The following RPS6KA6 variants were observed in gnomAD, a reference collection of about 807,000 sequenced individuals.
RPS6KA6 encodes ribosomal protein S6 kinase alpha-6.
A neutral mutation model predicts 65.4 loss-of-function variants in RPS6KA6; 27 were observed. That is an observed-to-expected ratio of 0.41 (90% confidence interval 0.30 to 0.57). The LOEUF (loss-of-function observed/expected upper bound fraction) is 0.57. Ranked by LOEUF, RPS6KA6 falls within the 20% of genes least tolerant of loss-of-function variation. The probability of loss-of-function intolerance (pLI) is 0.24; values close to 1 mark genes in which losing one functional copy is unlikely to be tolerated. For synonymous variants in RPS6KA6, 190 were observed against 184.2 expected, an observed-to-expected ratio of 1.03 and a Z score of -0.26; for missense variants, 486 against 555.6, an observed-to-expected ratio of 0.87 and a Z score of 1.26.
At chrX:84,131,876 T>C (rs182631211) in intron 8 of RPS6KA6, among the ~76,000 whole-genome samples, 23 of 111,915 alleles carry the variant, frequency 2.1e-4, no homozygotes, top group Admixed American at 1.8e-3. Flanking sequence ...GTAATCTAAA[T>C]GACTCTTTTC....
intron 20 of RPS6KA6, among the ~76,000 whole-genome samples, chrX:84,073,724 A>G (rs765537443): frequency 5.0e-4 from 54 of 108,306 alleles, no homozygotes; most frequent in African/African-American, 1.8e-3. Context: ...AAAAATCTAA[A>G]TAGACTTTTT....
In RPS6KA6 at chrX:84,060,596, T is replaced by C. The variant is rs182966967; in HGVS notation, c.*3681A>G. The C allele has an allele frequency of 1.8e-3, 205 of 110,950 alleles. No individual in the cohort carries two copies. Among genetic ancestry groups the C allele is most frequent in the African/African-American group, 6.5e-3 (198 of 30,608 alleles). The allele number at this position is 110,950 out of a possible 1,213,427, so 9.1% of individuals were successfully genotyped here. ...AAATAATCGCCAATCTCTGTCTACC[T>C]CCACATCATTTTGTCATAGAAGTTC... is the stretch of plus-strand genomic sequence containing the variant. On this transcript the variant is annotated 3_prime_UTR_variant, in exon 22 of 22. Coordinates refer to ENST00000262752, the MANE Select transcript of RPS6KA6 (RefSeq NM_014496.5).
intron 20 of RPS6KA6, among the ~76,000 whole-genome samples, chrX:84,079,283 C>T (rs748471691): frequency 9.0e-6 from 1 of 111,129 alleles, no homozygotes; most frequent in African/African-American, 3.3e-5. Flanking sequence ...GCATTCCAGA[C>T]CAGATACTAT....
chrX:84,077,433 A>C (rs912758057), intron 20 of RPS6KA6, among the ~76,000 whole-genome samples: 1 of 112,090 alleles, frequency 8.9e-6, no homozygotes, highest in Admixed American at 9.5e-5. Context: ...TCAGTGAAAC[A>C]GAATAGGAAG....
intron 11 of RPS6KA6, 83 bp from the exon 12 acceptor site, chrX:84,116,370 G>A: frequency 1.4e-5 from 6 of 425,147 alleles, no homozygotes; most frequent in Admixed American, 5.2e-5. Context: ...TCTGTAAACA[G>A]GAATACACAT....
intron 20 of RPS6KA6, among the ~76,000 whole-genome samples, chrX:84,068,815 T>C (rs1156762446): frequency 1.8e-5 from 2 of 111,361 alleles, no homozygotes; most frequent in African/African-American, 6.5e-5. Flanking sequence ...TAAATTCCCA[T>C]TCACAATTGC....
intron 8 of RPS6KA6, among the ~76,000 whole-genome samples, chrX:84,130,031 G>T (rs1321965434): frequency 2.7e-5 from 3 of 111,547 alleles, no homozygotes; most frequent in Non-Finnish European, 5.7e-5. Flanking sequence ...ATAAATGCTT[G>T]AGGTGATGTA....
chrX:84,111,525 G>A (rs986059862), intron 12 of RPS6KA6, among the ~76,000 whole-genome samples: 14 of 111,822 alleles, frequency 1.3e-4, no homozygotes, highest in Non-Finnish European at 2.6e-4. Flanking sequence ...AGAAGAGAAT[G>A]GGGACCTAAT....
At chrX:84,089,861 T>G (rs748542663) in intron 20 of RPS6KA6, among the ~76,000 whole-genome samples, 1 of 112,226 alleles carries the variant, frequency 8.9e-6, no homozygotes, top group Non-Finnish European at 1.9e-5. Context: ...CTGCTCTCCA[T>G]GAAAGCTGTG....
chrX:84,072,167 A>G (rs1440332854), intron 20 of RPS6KA6, among the ~76,000 whole-genome samples: 1 of 111,833 alleles, frequency 8.9e-6, no homozygotes, highest in African/African-American at 3.2e-5. Flanking sequence ...AAAAATCCCC[A>G]GCAAACTGAG....
chrX:84,087,959 G>T (rs761792700), intron 20 of RPS6KA6, among the ~76,000 whole-genome samples: 24 of 112,062 alleles, frequency 2.1e-4, no homozygotes, highest in South Asian at 3.7e-4. Context: ...ACTGATACTT[G>T]TGATTACGTT....
chrX:84,087,423 GC>G (rs1203691080), intron 20 of RPS6KA6, among the ~76,000 whole-genome samples: 1 of 111,391 alleles, frequency 9.0e-6, no homozygotes, highest in Non-Finnish European at 1.9e-5. Flanking sequence ...AGTTTATTTT[GC>G]CCAGGTATGA....
intron 3 of RPS6KA6, among the ~76,000 whole-genome samples, chrX:84,154,926 A>T (rs1262160284): frequency 1.8e-5 from 2 of 112,318 alleles, no homozygotes; most frequent in Admixed American, 9.5e-5. Flanking sequence ...ATTGTTGTGA[A>T]CACACTGAGC....
intron 1 of RPS6KA6, among the ~76,000 whole-genome samples, chrX:84,168,144 A>G: frequency 9.0e-6 from 1 of 110,512 alleles, no homozygotes; most frequent in African/African-American, 3.3e-5. Flanking sequence ...GTAATACCAT[A>G]CACTCCTTTT....
chrX:84,062,529 A>AT lies in RPS6KA6; in HGVS notation c.*1747dup. 8.9e-6 allele frequency: 1 copy of AT among 111,837 alleles called. No homozygotes were observed. The highest frequency in any genetic ancestry group is 2.8e-4 in the East Asian group (1 of 3,544). 9.2% of individuals were successfully genotyped at this position (111,837 alleles called of 1,213,427 possible). A position where few individuals can be genotyped will look rare whatever the true frequency, so the allele number is the denominator to read the frequency against. On this transcript the variant is annotated 3_prime_UTR_variant, in exon 22 of 22. Transcript: ENST00000262752. The stretch of plus-strand genomic sequence containing the variant: ...AAGCCAAAATGGAACATAAAAAGCC[A>AT]TAAGACATGATACCTAACTACTTCT...
intron 12 of RPS6KA6, among the ~76,000 whole-genome samples, chrX:84,113,336 C>A (rs2034502448): frequency 9.0e-6 from 1 of 111,371 alleles, no homozygotes; most frequent in Non-Finnish European, 1.9e-5. Context: ...ATCCTGAGAG[C>A]AAAATCAGGT....
At chrX:84,099,347 C>CG (rs1390170341) in intron 18 of RPS6KA6, among the ~76,000 whole-genome samples, 2 of 111,032 alleles carry the variant, frequency 1.8e-5, no homozygotes, top group Non-Finnish European at 3.8e-5. Context: ...CAAGGCAGAG[C>CG]GGTAGGATGA....
chrX:84,083,514 A>C (rs769574283), intron 20 of RPS6KA6, among the ~76,000 whole-genome samples: 4 of 112,208 alleles, frequency 3.6e-5, no homozygotes, highest in Non-Finnish European at 7.5e-5. Context: ...GTTTGCTAAA[A>C]ATAATGGCTT....
In RPS6KA6 at chrX:84,062,534, A is replaced by T. The variant is rs1313761235; in HGVS notation, c.*1743T>A. The T allele has an allele frequency of 8.9e-6, 1 of 111,748 alleles. No individual in the cohort carries two copies. The highest frequency in any genetic ancestry group is 1.9e-5 in the Non-Finnish European group (1 of 53,000). 9.2% of individuals were successfully genotyped at this position (111,748 alleles called of 1,213,427 possible). ...AAAATGGAACATAAAAAGCCATAAG[A>T]CATGATACCTAACTACTTCTAAGTA... On this transcript the variant is annotated 3_prime_UTR_variant, in exon 22 of 22. Coordinates refer to ENST00000262752, the MANE Select transcript of RPS6KA6 (RefSeq NM_014496.5).
Sources: gnomAD v4.1 joint callset for allele counts (sites outside exome capture counted in the v4.1 genomes callset) on GRCh38, gnomAD v4.1.1 for gene constraint, MANE v1.5 for transcripts, NCBI Gene and HGNC (gene_info 2026-07-23, HGNC 2026-07-21) for gene names.